BRD9: variants seen among roughly 807,000 people sequenced by gnomAD.
BRD9 encodes bromodomain-containing protein 9.
In BRD9, 47 loss-of-function variants were observed where a neutral mutation model predicts 68.7. That is an observed-to-expected ratio of 0.68 (90% CI 0.54 to 0.87). The LOEUF (loss-of-function observed/expected upper bound fraction) is 0.87, where lower values mean the gene tolerates loss of function less well. Ranked by LOEUF, BRD9 falls within the 40% of genes least tolerant of loss-of-function variation. The probability of loss-of-function intolerance (pLI) is 0.00; values close to 1 mark genes in which losing one functional copy is unlikely to be tolerated. For synonymous variants in BRD9, 313 were observed against 293.9 expected (o/e 1.06, Z -0.67); for missense variants, 670 against 748.4 (o/e 0.90, Z 1.22).
Position 871,547 on chromosome 5 carries a change from C to T in BRD9, c.1401G>A (p.Met467Ile), listed in dbSNP as rs1750128243. The T allele has an allele frequency of 6.2e-7, 1 of 1,614,062 alleles. No individual in the cohort carries two copies. The highest frequency in any genetic ancestry group is 1.7e-5 in the Admixed American group (1 of 60,016). Residue 467 changes from methionine (M) to isoleucine (I), a missense_variant, in exon 13 of 16, where the codon ATG becomes ATA. By Grantham distance (10) the Met-to-Ile change is conservative. Around this residue, in one of 5 missense-constraint regions of BRD9, gnomAD observed 280 missense variants for 281.5 expected, o/e 0.99. Transcript: ENST00000467963. ...FQLKQRRNVP[M>I]KPPDEAKVGD... Reference sequence around the variant, plus strand: ...TTACCTTGGCTTCATCTGGAGGCTTCATGGGAACATTTCTTCTCTGAAAAG... The same window carrying T: ...TTACCTTGGCTTCATCTGGAGGCTTTATGGGAACATTTCTTCTCTGAAAAG...
intron 14 of BRD9, among the ~76,000 whole-genome samples, chr5:867,089 C>G (rs2150550078): frequency 6.6e-6 from 1 of 152,336 alleles, no homozygotes; most frequent in African/African-American, 2.4e-5. Context: ...TGCCATGGTG[C>G]TCTGTGTCCC....
At chr5:881,320 C>T (rs1342934811) in intron 8 of BRD9, 138 bp from the exon 9 acceptor site, 13 of 798,462 alleles carry the variant, frequency 1.6e-5, no homozygotes, top group Admixed American at 2.3e-5. Flanking sequence ...CCCCTCACGG[C>T]ATTCCCTGGA....
chr5:884,138 C>G, intron 7 of BRD9, 68 bp from the exon 8 acceptor site: 13 of 1,576,678 alleles, frequency 8.2e-6, no homozygotes, highest in East Asian at 6.8e-5. Context: ...CCCCATGCGT[C>G]GGCACCTAAC....
At chr5:873,591 C>T (rs73733903) in intron 12 of BRD9, among the ~76,000 whole-genome samples, 22,781 of 152,184 alleles carry the variant, frequency 0.15, 2,362 homozygotes, top group African/African-American at 0.27. Flanking sequence ...GATCTACCCC[C>T]GCTTTACAAG....
chr5:882,741 C>T (rs950417889), intron 8 of BRD9, among the ~76,000 whole-genome samples: 7 of 150,642 alleles, frequency 4.6e-5, no homozygotes, highest in Admixed American at 2.0e-4. Flanking sequence ...CTTCCCAACA[C>T]GCAAGCCACG....
At chr5:892,359 C>T in intron 1 of BRD9, 2 of 852,286 alleles carry the variant, frequency 2.3e-6, no homozygotes, top group Non-Finnish European at 3.4e-6. Context: ...GTCTCCAGGA[C>T]CGGGGTGAGT....
chr5:870,249 C>G, intron 14 of BRD9: 1 of 507,264 alleles, frequency 2.0e-6, no homozygotes, highest in East Asian at 3.4e-5. Flanking sequence ...TACCCAGGGG[C>G]TGCAACCACT....
intron 14 of BRD9, chr5:870,226 C>A (rs1749938780): frequency 2.2e-6 from 1 of 455,458 alleles, no homozygotes; most frequent in Non-Finnish European, 4.0e-6. Context: ...TCGGCCAGAC[C>A]CCATCCTGAG....
intron 8 of BRD9, chr5:881,948 C>T (rs1037338085): frequency 6.6e-6 from 1 of 152,628 alleles, no homozygotes; most frequent in South Asian, 2.1e-4. Flanking sequence ...TGGGCGGAAC[C>T]CACGGGGCAC....
In BRD9 at chr5:892,729, G is replaced by A; in HGVS notation, c.-72C>T. 2 of 1,234,652 alleles carry A rather than the reference G, an allele frequency of 1.6e-6. No individual in the cohort carries two copies. Among genetic ancestry groups the A allele is most frequent in the Non-Finnish European group, 1.0e-6 (1 of 979,968 alleles). 76.5% of individuals were successfully genotyped at this position (1,234,652 alleles called of 1,614,324 possible). On this transcript the variant is annotated 5_prime_UTR_variant, in exon 1 of 16. Transcript: ENST00000467963. ...ACCCGGTCGGACCTTGGCCGCCACC[G>A]CCCCCTGGCCCTGGCTGGCCGCCCG...
chr5:878,619 C>T, intron 10 of BRD9, 132 bp from the exon 11 acceptor site: 1 of 1,292,856 alleles, frequency 7.7e-7, no homozygotes, highest in East Asian at 2.4e-5. Context: ...CTCTTGCTCT[C>T]CACAAAATTC....
In BRD9 at chr5:864,365, T is replaced by C. The variant is rs1430279779; in HGVS notation, c.*103A>G. 2.0e-6 allele frequency: 2 copies of C among 985,140 alleles called. No individual in the cohort carries two copies. The highest frequency in any genetic ancestry group is 1.7e-5 in the African/African-American group (1 of 60,480). 61.0% of individuals were successfully genotyped at this position (985,140 alleles called of 1,614,324 possible). ...TACCTCCCCGCGGCTGCTTCCCGCA[T>C]GCCAAAGGGGACAGGATCAAAGTCC... On this transcript the variant is annotated 3_prime_UTR_variant, in exon 16 of 16. Coordinates refer to ENST00000467963, the MANE Select transcript of BRD9 (RefSeq NM_023924.5).
chr5:891,293 C>T lies in BRD9; in HGVS notation c.268-6G>A, dbSNP rs1001033934. ...CGCTTCCGCTTCTTCTCTTCCTGGG[C>T]GGCAGAGTCAAGGGAGTGAGAAAGG... On this transcript the variant is annotated splice_region_variant and splice_polypyrimidine_tract_variant and intron_variant, in intron 2 of 15. Transcript: ENST00000467963. The T allele has an allele frequency of 1.3e-6, 2 of 1,550,640 alleles. No individual in the cohort carries two copies. The highest frequency in any genetic ancestry group is 8.7e-7 in the Non-Finnish European group (1 of 1,146,444).
At chr5:884,569 T>C (rs28546226) in intron 7 of BRD9, among the ~76,000 whole-genome samples, 17,149 of 152,292 alleles carry the variant, frequency 0.11, 1,736 homozygotes, top group African/African-American at 0.27. Context: ...CAGCAAGTGG[T>C]CCCAGGTTCC....
chr5:891,377 G>A (rs937713052), intron 2 of BRD9, 90 bp from the exon 3 acceptor site: 3 of 1,483,330 alleles, frequency 2.0e-6, no homozygotes, highest in African/African-American at 1.4e-5. Context: ...TCAGGGGAGG[G>A]ACAGAACTAA....
chr5:867,913 TG>T (rs1375575552), intron 14 of BRD9, among the ~76,000 whole-genome samples: 1 of 152,196 alleles, frequency 6.6e-6, no homozygotes, highest in Non-Finnish European at 1.5e-5. Flanking sequence ...TGTTTTGAAA[TG>T]TGAAAAGGAC....
At chr5:872,640 A>C (rs1750317158) in intron 12 of BRD9, among the ~76,000 whole-genome samples, 1 of 152,240 alleles carries the variant, frequency 6.6e-6, no homozygotes, top group Admixed American at 6.5e-5. Flanking sequence ...TCAGAGCTGC[A>C]GAAATCTGCT....
rs916448409 is a variant in BRD9, at chr5:864,238, T to C, written c.*230A>G. ...TTCACGGGGCTGTGTACAGAGACTC[T>C]CTCTGCTGACACGATGGCCATATGG... On this transcript the variant is annotated 3_prime_UTR_variant, in exon 16 of 16. Coordinates refer to ENST00000467963, the MANE Select transcript of BRD9 (RefSeq NM_023924.5). 1 of 397,458 alleles carries C rather than the reference T, an allele frequency of 2.5e-6. No individual in the cohort carries two copies. The highest frequency in any genetic ancestry group is 2.1e-5 in the African/African-American group (1 of 48,500). The allele number at this position is 397,458 out of a possible 1,614,324, so 24.6% of individuals were successfully genotyped here. A position where few individuals can be genotyped will look rare whatever the true frequency, so the allele number is the denominator to read the frequency against.
intron 12 of BRD9, among the ~76,000 whole-genome samples, chr5:874,592 C>T (rs557438790): frequency 4.6e-5 from 7 of 152,154 alleles, no homozygotes; most frequent in African/African-American, 1.4e-4. Context: ...GAAACAGAAC[C>T]GGAAACGGCA....
Sources: gnomAD v4.1 joint callset for allele counts (sites outside exome capture counted in the v4.1 genomes callset) on GRCh38, gnomAD v4.1.1 for gene constraint, gnomAD v4.1.1 regional missense constraint, MANE v1.5 for transcripts, NCBI Gene and HGNC (gene_info 2026-07-23, HGNC 2026-07-21) for gene names.